OLFM4: variants seen among roughly 807,000 people sequenced by gnomAD.
The protein encoded by OLFM4 is olfactomedin-4.
A neutral mutation model predicts 25.5 loss-of-function variants in OLFM4; 22 were observed. That is an observed-to-expected ratio of 0.86 (90% CI 0.62 to 1.23). OLFM4 has a LOEUF of 1.23. Among genes scored for constraint, OLFM4 ranks in the 50% most tolerant of loss-of-function variants. The probability of loss-of-function intolerance (pLI) is 0.00; values close to 1 mark genes in which losing one functional copy is unlikely to be tolerated. For synonymous variants in OLFM4, 255 were observed against 237.7 expected (o/e 1.07, Z -0.67); for missense variants, 594 against 619.4 (o/e 0.96, Z 0.44).
At chr13:53,049,702 C>T (rs755971616) in intron 4 of OLFM4, among the ~76,000 whole-genome samples, 4 of 152,264 alleles carry the variant, frequency 2.6e-5, no homozygotes, top group Non-Finnish European at 5.9e-5. Context: ...ATAGTTCTTG[C>T]TGGTTTCATT....
In OLFM4 at chr13:53,041,955, TTAAACC is replaced by T. The variant is rs1490285266; in HGVS notation, c.407_412del (p.Asn136_Leu137del). 6.2e-7 allele frequency: 1 copy of T among 1,613,954 alleles called. No individual in the cohort carries two copies. On this transcript the variant is annotated inframe_deletion, in exon 3 of 5. Transcript: ENST00000219022. ...AATTAGTGTGTATGAAAAGAAACTG[TTAAACC>T]TAACTGTCCGAATTGACATCATGGA...
chr13:53,050,903 C>T lies in OLFM4; in HGVS notation c.*132C>T. On this transcript the variant is annotated 3_prime_UTR_variant, in exon 5 of 5. Coordinates refer to ENST00000219022, the MANE Select transcript of OLFM4 (RefSeq NM_006418.5). ...AATGTTTAGGTGCATAGTTCTACCACACTAGAGATCTAGGACATTTGTCTT... is the reference window on the plus strand; with the variant it reads ...AATGTTTAGGTGCATAGTTCTACCATACTAGAGATCTAGGACATTTGTCTT... The T allele has an allele frequency of 1.4e-6, 1 of 712,122 alleles. No individual in the cohort carries two copies. Among genetic ancestry groups the T allele is most frequent in the Admixed American group, 3.1e-5 (1 of 32,764 alleles). 44.1% of individuals were successfully genotyped at this position (712,122 alleles called of 1,614,324 possible). A position where few individuals can be genotyped will look rare whatever the true frequency, so the allele number is the denominator to read the frequency against.
At chr13:53,030,101 G>A (rs1042357890) in intron 1 of OLFM4, among the ~76,000 whole-genome samples, 1 of 152,142 alleles carries the variant, frequency 6.6e-6, no homozygotes, top group South Asian at 2.1e-4. Flanking sequence ...TGCTTGAATG[G>A]AAGGGCAAAT....
At position 53,050,695 on chromosome 13, in the gene OLFM4, T is replaced by G; in HGVS notation, c.1457T>G (p.Phe486Cys). 1 of 1,613,520 alleles carries G rather than the reference T, an allele frequency of 6.2e-7. No homozygotes were observed. Residue 486 changes from phenylalanine (F) to cysteine (C), a missense_variant, in exon 5 of 5, where the codon TTT (phenylalanine) becomes TGT (cysteine). Transcript: ENST00000219022. ...GTGCAGAGCATTAACTATAACCCTT[T>G]TGACCAGAAACTTTATGTCTATAAC... ...EKVQSINYNP[F>C]DQKLYVYNDG...
At position 53,050,072 on chromosome 13, in the gene OLFM4, C is replaced by T. The variant is rs748840834; in HGVS notation, c.834C>T (p.Tyr278=). Residue 278 remains tyrosine, a synonymous_variant, in exon 5 of 5, where the codon TAC becomes TAT. Coordinates refer to ENST00000219022, the MANE Select transcript of OLFM4 (RefSeq NM_006418.5). ...SYLYGAWGRD[Y]SPQHPNKGLY... is the part of the protein sequence containing the mutation. Reference sequence around the variant, plus strand: ...TATATGGTGCTTGGGGTAGGGATTACTCTCCCCAGCATCCAAACAAAGGAC... The same window carrying T: ...TATATGGTGCTTGGGGTAGGGATTATTCTCCCCAGCATCCAAACAAAGGAC... 1 of 1,613,936 alleles carries T rather than the reference C, an allele frequency of 6.2e-7. No homozygotes were observed. The highest frequency in any genetic ancestry group is 8.5e-7 in the Non-Finnish European group (1 of 1,179,924).
At chr13:53,034,864 C>CTT (rs1954650180) in intron 2 of OLFM4, among the ~76,000 whole-genome samples, 1 of 152,148 alleles carries the variant, frequency 6.6e-6, no homozygotes, top group South Asian at 2.1e-4. Context: ...TCAAGCTTTG[C>CTT]TTTCTTTTCT....
chr13:53,038,019 T>C (rs1954668006), intron 2 of OLFM4, among the ~76,000 whole-genome samples: 1 of 152,036 alleles, frequency 6.6e-6, no homozygotes, highest in Non-Finnish European at 1.5e-5. Flanking sequence ...ACAAGCAAAA[T>C]AAAATGGAAG....
intron 2 of OLFM4, among the ~76,000 whole-genome samples, chr13:53,037,161 T>C (rs1168623883): frequency 6.6e-6 from 1 of 152,232 alleles, no homozygotes; most frequent in Non-Finnish European, 1.5e-5. Flanking sequence ...CTTACATTGA[T>C]TCATTGTCTG....
chr13:53,042,203 G>T, intron 3 of OLFM4, 81 bp downstream of exon 3: 1 of 1,176,188 alleles, frequency 8.5e-7, no homozygotes, highest in Admixed American at 2.0e-5. Flanking sequence ...ACCAGGAAGT[G>T]AAACTATCTC....
chr13:53,042,149 A>G (rs949607513), intron 3 of OLFM4, 27 bp downstream of exon 3: 1 of 1,591,636 alleles, frequency 6.3e-7, no homozygotes, highest in African/African-American at 1.3e-5. Flanking sequence ...CTTCTTGGTA[A>G]ATTAATAATA....
Position 53,049,949 on chromosome 13 carries a change from T to C in OLFM4, c.731-20T>C. ...ATTCCTTTTCTCTAAAAATGCCTTT[T>C]TATTTTCTTGTTTGTATAGGGAGCT... is the stretch of plus-strand genomic sequence containing the variant. On this transcript the variant is annotated intron_variant, in intron 4 of 4. Coordinates refer to ENST00000219022, the MANE Select transcript of OLFM4 (RefSeq NM_006418.5). The C allele has an allele frequency of 6.4e-7, 1 of 1,562,490 alleles. No individual in the cohort carries two copies. The highest frequency in any genetic ancestry group is 8.7e-7 in the Non-Finnish European group (1 of 1,153,410).
chr13:53,044,054 A>G lies in OLFM4; in HGVS notation c.730+790A>G, dbSNP rs78613987. Among the ~76,000 whole-genome samples, 1,179 of 152,294 alleles carry G rather than the reference A, an allele frequency of 7.7e-3. 9 individuals are homozygous for G. The highest frequency in any genetic ancestry group is 0.013 in the Non-Finnish European group (889 of 68,024). ...GTGGCTGCAGCAAAAAGGATCCTTA[A>G]TATCCTCATTTGTAAAATGGGAGAA... On this transcript the variant is annotated intron_variant, in intron 4 of 4. Coordinates refer to ENST00000219022, the MANE Select transcript of OLFM4 (RefSeq NM_006418.5).
At chr13:53,043,816 A>C (rs1212941208) in intron 4 of OLFM4, among the ~76,000 whole-genome samples, 3 of 152,152 alleles carry the variant, frequency 2.0e-5, no homozygotes, top group Admixed American at 1.3e-4. Context: ...GAATGACCCC[A>C]CATATCATGT....
chr13:53,044,838 G>C (rs903688107), intron 4 of OLFM4, among the ~76,000 whole-genome samples: 1 of 152,174 alleles, frequency 6.6e-6, no homozygotes, highest in African/African-American at 2.4e-5. Context: ...TGAGGCAGAG[G>C]CTGAAGCAAT....
At chr13:53,032,475 G>T (rs1458641398) in intron 1 of OLFM4, among the ~76,000 whole-genome samples, 3 of 152,088 alleles carry the variant, frequency 2.0e-5, no homozygotes, top group Non-Finnish European at 2.9e-5. Flanking sequence ...AGTAAAGCTG[G>T]TTTCAAGGGA....
At chr13:53,044,867 C>G (rs1954707378) in intron 4 of OLFM4, among the ~76,000 whole-genome samples, 1 of 152,216 alleles carries the variant, frequency 6.6e-6, no homozygotes, top group South Asian at 2.1e-4. Context: ...CTGATAATCC[C>G]TGAACGAGCT....
At position 53,051,083 on chromosome 13, in the gene OLFM4, A is replaced by G. The variant is rs982804454; in HGVS notation, c.*312A>G. ...ACTAGAAGCCTTAAATTAGGAATTAAGGAACTTAAAACTCAGTATGGCGTC... is the reference window on the plus strand; with the variant it reads ...ACTAGAAGCCTTAAATTAGGAATTAGGGAACTTAAAACTCAGTATGGCGTC... On this transcript the variant is annotated 3_prime_UTR_variant, in exon 5 of 5. Transcript: ENST00000219022. The G allele has an allele frequency of 6.3e-5, 16 of 253,666 alleles. No individual in the cohort carries two copies. The highest frequency in any genetic ancestry group is 1.0e-4 in the Non-Finnish European group (14 of 135,030). 15.7% of individuals were successfully genotyped at this position (253,666 alleles called of 1,614,324 possible).
chr13:53,041,802 CAAT>C, intron 2 of OLFM4, 105 bp from the exon 3 acceptor site: 1 of 700,124 alleles, frequency 1.4e-6, no homozygotes, highest in Non-Finnish European at 2.5e-6. Flanking sequence ...TTACAAAACA[CAAT>C]GATTGGCAAG....
chr13:53,034,993 C>T (rs1000799525), intron 2 of OLFM4, among the ~76,000 whole-genome samples: 1 of 151,812 alleles, frequency 6.6e-6, no homozygotes, highest in African/African-American at 2.4e-5. Flanking sequence ...AATCCTTGCC[C>T]TTATTCATCC....
Sources: gnomAD v4.1 joint callset for allele counts (sites outside exome capture counted in the v4.1 genomes callset) on GRCh38, gnomAD v4.1.1 for gene constraint, MANE v1.5 for transcripts, NCBI Gene and HGNC (gene_info 2026-07-23, HGNC 2026-07-21) for gene names.